The following SFTPA1 variants were observed in gnomAD, a reference collection of about 807,000 sequenced individuals.
SFTPA1 encodes the protein surfactant protein A1.
Under a neutral mutation model 19.1 loss-of-function variants are expected in SFTPA1, and 13 were observed. The ratio of observed to expected loss-of-function variants is 0.68; its 90% CI spans 0.44 to 1.08. The LOEUF is 1.08. Ranked by LOEUF, SFTPA1 falls within the 50% of genes least tolerant of loss-of-function variation. The pLI, the probability that SFTPA1 is intolerant of heterozygous loss-of-function variation, is 0.00. For missense variants in SFTPA1, 259 were observed against 316.4 expected, an observed-to-expected ratio of 0.82 and a Z score of 1.38; for synonymous variants, 101 against 117.0, an observed-to-expected ratio of 0.86 and a Z score of 0.88.
chr10:79,611,790 A>C lies in SFTPA1; in HGVS notation c.-23-13A>C, dbSNP rs150799980. 1,297 of 1,613,982 alleles carry C rather than the reference A, an allele frequency of 8.0e-4. 6 individuals are homozygous for C. In the African/African-American group the frequency reaches 0.016, roughly 20 times the overall value. On this transcript the variant is annotated splice_polypyrimidine_tract_variant and intron_variant, in intron 2 of 5. Transcript: ENST00000398636. ...AGAGGTGGCAGATGGGCTCACGGCC[A>C]TCCCTCCTGCAGGAGCAGCGACTGG...
chr10:79,612,456 A>G (rs1208446219), intron 4 of SFTPA1, 25 bp downstream of exon 4: 10 of 1,608,448 alleles, frequency 6.2e-6, no homozygotes, highest in Non-Finnish European at 8.5e-6. Context: ...GCAGGTGGGC[A>G]GTGGAAACAT....
chr10:79,614,174 C>A lies in SFTPA1; in HGVS notation c.*61C>A, dbSNP rs11234. ...CTGGCCTTCGGCCTCCATCCTGAGG[C>A]TCCACTTGGTCTGTGAGATGCTAGA... On this transcript the variant is annotated 3_prime_UTR_variant, in exon 6 of 6. Coordinates refer to ENST00000398636, the MANE Select transcript of SFTPA1 (RefSeq NM_005411.5). 1.7e-5 allele frequency: 27 copies of A among 1,613,830 alleles called. No homozygotes were observed. Among genetic ancestry groups the A allele is most frequent in the Middle Eastern group, 3.3e-4 (2 of 6,060 alleles).
rs1859841863 is a variant in SFTPA1 at position 79,611,452 on chromosome 10, T to A, written c.-24+63T>A. The A allele has an allele frequency of 6.6e-5, 62 of 938,606 alleles. 2 individuals are homozygous for A. In the South Asian group the frequency reaches 1.1e-3, roughly 16 times the overall value. The allele number at this position is 938,606 out of a possible 1,614,324, so 58.1% of individuals were successfully genotyped here. A position where few individuals can be genotyped will look rare whatever the true frequency, so the allele number is the denominator to read the frequency against. ...AGGTTTTCTGCAGAGCACGGAAGAT[T>A]CAGCTGAAGTCAGAGAGGTGAAGCC... On this transcript the variant is annotated intron_variant, in intron 2 of 5. Coordinates refer to ENST00000398636, the MANE Select transcript of SFTPA1 (RefSeq NM_005411.5).
chr10:79,614,219 C>T lies in SFTPA1; in HGVS notation c.*106C>T, dbSNP rs1860036676. The T allele has an allele frequency of 1.7e-5, 27 of 1,588,978 alleles. No homozygotes were observed. The highest frequency in any genetic ancestry group is 1.7e-4 in the South Asian group (15 of 88,758). On this transcript the variant is annotated 3_prime_UTR_variant, in exon 6 of 6. Transcript: ENST00000398636. ...GCTAGAACTCCCTTTCAACAGAATT[C>T]ACTTGTGGCTATTGGGACTGGAGGC...
chr10:79,612,464 C>G (rs756919090), intron 4 of SFTPA1, 33 bp downstream of exon 4: 2 of 1,604,716 alleles, frequency 1.2e-6, no homozygotes, highest in Non-Finnish European at 1.7e-6. Context: ...GCAGTGGAAA[C>G]ATGGGCACAG....
chr10:79,613,277 C>G lies in SFTPA1; in HGVS notation c.370+11C>G. On this transcript the variant is annotated intron_variant, in intron 5 of 5. Coordinates refer to ENST00000398636, the MANE Select transcript of SFTPA1 (RefSeq NM_005411.5). ...TGCAGACAAGGGGAGGTAAGGGGAC[C>G]CCCTGGGCCTCACGGGGTAGGAGTT... The G allele has an allele frequency of 6.2e-7, 1 of 1,614,020 alleles. No individual in the cohort carries two copies. The highest frequency in any genetic ancestry group is 8.5e-7 in the Non-Finnish European group (1 of 1,179,988).
intron 5 of SFTPA1, 134 bp downstream of exon 5, chr10:79,613,400 C>T: frequency 7.1e-7 from 1 of 1,402,256 alleles, no homozygotes; most frequent in Non-Finnish European, 1.0e-6. Flanking sequence ...ATGACGCTTG[C>T]TTTTCTGATG....
At chr10:79,611,445 G>A (rs138305313) in intron 2 of SFTPA1, 56 bp downstream of exon 2, 17 of 893,820 alleles carry the variant, frequency 1.9e-5, no homozygotes, top group East Asian at 8.0e-5. Context: ...TGCAGAGCAC[G>A]GAAGATTCAG....
At position 79,611,647 on chromosome 10, in the gene SFTPA1, G is replaced by A. The variant is rs758042970; in HGVS notation, c.-23-156G>A. The A allele has an allele frequency of 2.4e-5, 38 of 1,556,668 alleles. No homozygotes were observed. In the African/African-American group the frequency reaches 4.6e-4, roughly 19 times the overall value. Reference sequence around the variant, plus strand: ...GAGGCCATGCCAGGTGCCAGGTGATGCTGGGAATTTTCCCGGGAGCTTCGG... The same window carrying A: ...GAGGCCATGCCAGGTGCCAGGTGATACTGGGAATTTTCCCGGGAGCTTCGG... On this transcript the variant is annotated intron_variant, in intron 2 of 5. Transcript: ENST00000398636.
intron 4 of SFTPA1, 103 bp downstream of exon 4, chr10:79,612,534 A>G: frequency 6.4e-7 from 1 of 1,560,362 alleles, no homozygotes; most frequent in Non-Finnish European, 8.7e-7. Context: ...CAGGTTCCCC[A>G]AGGGCATTTG....
chr10:79,611,654 A>G lies in SFTPA1; in HGVS notation c.-23-149A>G, dbSNP rs754547048. On this transcript the variant is annotated intron_variant, in intron 2 of 5. Transcript: ENST00000398636. ...TGCCAGGTGCCAGGTGATGCTGGGA[A>G]TTTTCCCGGGAGCTTCGGGTCTTCC... 5 of 1,559,552 alleles carry G rather than the reference A, an allele frequency of 3.2e-6. No homozygotes were observed. The South Asian group carries it at 4.7e-5, about 15-fold the overall frequency.
chr10:79,612,810 G>C (rs950566915), intron 4 of SFTPA1, among the ~76,000 whole-genome samples: 3 of 152,142 alleles, frequency 2.0e-5, no homozygotes, highest in Admixed American at 6.5e-5. Context: ...CCCACAGACA[G>C]AGGGGAACTT....
rs751716412 is a variant in SFTPA1 at position 79,613,887 on chromosome 10, T to C, written c.521T>C (p.Ile174Thr). The change falls in exon 6 of 6, where the codon ATT (isoleucine) becomes ACT (threonine). Residue 174 changes from isoleucine to threonine, a missense_variant. By Grantham distance (89) the Ile-to-Thr change is moderately conservative. Coordinates refer to ENST00000398636, the MANE Select transcript of SFTPA1 (RefSeq NM_005411.5). ...VPRNPEENEA[I>T]ASFVKKYNTY... Reference sequence around the variant, plus strand: ...AGGAATCCAGAGGAAAATGAGGCCATTGCAAGCTTCGTGAAGAAGTACAAC... The same window carrying C: ...AGGAATCCAGAGGAAAATGAGGCCACTGCAAGCTTCGTGAAGAAGTACAAC... 12 of 1,613,870 alleles carry C rather than the reference T, an allele frequency of 7.4e-6. No homozygotes were observed. The South Asian group carries it at 7.7e-5, about 10-fold the overall frequency.
Position 79,614,168 on chromosome 10 carries a change from C to T in SFTPA1, c.*55C>T. ...CGCTCTCTGGCCTTCGGCCTCCATC[C>T]TGAGGCTCCACTTGGTCTGTGAGAT... On this transcript the variant is annotated 3_prime_UTR_variant, in exon 6 of 6. Transcript: ENST00000398636. 1.2e-6 allele frequency: 2 copies of T among 1,613,974 alleles called. No individual in the cohort carries two copies. Among genetic ancestry groups the T allele is most frequent in the Non-Finnish European group, 1.7e-6 (2 of 1,179,884 alleles).
In SFTPA1 at chr10:79,612,304, C is replaced by T. The variant is rs1859898911; in HGVS notation, c.173-8C>T. On this transcript the variant is annotated splice_region_variant and splice_polypyrimidine_tract_variant and intron_variant, in intron 3 of 5. Coordinates refer to ENST00000398636, the MANE Select transcript of SFTPA1 (RefSeq NM_005411.5). ...GATCCTACACATCCATGTCTCTTTTCTCTGCAGGCCCCATGGGTCCACCTG... is the reference window on the plus strand; with the variant it reads ...GATCCTACACATCCATGTCTCTTTTTTCTGCAGGCCCCATGGGTCCACCTG... The T allele has an allele frequency of 1.9e-6, 3 of 1,613,810 alleles. No homozygotes were observed. Among genetic ancestry groups the T allele is most frequent in the Non-Finnish European group, 1.7e-6 (2 of 1,179,912 alleles).
chr10:79,613,901 A>G lies in SFTPA1; in HGVS notation c.535A>G (p.Lys179Glu). Reference protein sequence around the residue: ...EENEAIASFVKKYNTYAYVGL... With the variant: ...EENEAIASFVEKYNTYAYVGL... ...AAATGAGGCCATTGCAAGCTTCGTG[A>G]AGAAGTACAACACATATGCCTATGT... The change falls in exon 6 of 6, where the codon AAG becomes GAG. Residue 179 changes from lysine (K) to glutamate (E), a missense_variant. Lys to Glu is a moderately conservative substitution (Grantham distance 56, BLOSUM62 1). Transcript: ENST00000398636. The G allele has an allele frequency of 1.9e-6, 3 of 1,613,914 alleles. No individual in the cohort carries two copies. In the South Asian group the frequency reaches 3.3e-5, roughly 18 times the overall value.
At chr10:79,611,298 T>C (rs542828788) in intron 1 of SFTPA1, 21 bp from the exon 2 acceptor site, 3 of 339,412 alleles carry the variant, frequency 8.8e-6, no homozygotes, top group South Asian at 5.3e-5. Flanking sequence ...GCGGGCCCCG[T>C]TCATCTTTTT....
intron 4 of SFTPA1, 107 bp from the exon 5 acceptor site, chr10:79,613,082 A>G: frequency 6.2e-7 from 1 of 1,603,382 alleles, no homozygotes; most frequent in African/African-American, 1.3e-5. Flanking sequence ...GCCTAACAGC[A>G]ATGAAAGGGC....
rs755911114 is a variant in SFTPA1, at chr10:79,611,661, C to T, written c.-23-142C>T. 3.9e-5 allele frequency: 61 copies of T among 1,563,464 alleles called. No homozygotes were observed. The African/African-American group carries it at 5.2e-4, about 13-fold the overall frequency. On this transcript the variant is annotated intron_variant, in intron 2 of 5. Transcript: ENST00000398636. ...TGCCAGGTGATGCTGGGAATTTTCC[C>T]GGGAGCTTCGGGTCTTCCCAGCACT...
Sources: allele counts gnomAD v4.1 joint callset (sites outside exome capture counted in the v4.1 genomes callset), GRCh38; gene constraint gnomAD v4.1.1; transcripts MANE v1.5; gene names NCBI Gene and HGNC (gene_info 2026-07-23, HGNC 2026-07-21).